TDP1: variants seen among roughly 807,000 people sequenced by gnomAD.
TDP1 encodes tyrosyl-DNA phosphodiesterase 1, also known as tyr-DNA phosphodiesterase 1.
A neutral mutation model predicts 81.5 loss-of-function variants in TDP1; 64 were observed. That is an observed-to-expected ratio of 0.79 (90% CI 0.64 to 0.97). The LOEUF is 0.97. TDP1 is among the 50% of genes least tolerant of loss of function. The pLI is 0.00. For synonymous variants in TDP1, 256 were observed against 264.3 expected, an observed-to-expected ratio of 0.97 and a Z score of 0.30; for missense variants, 723 against 743.8, an observed-to-expected ratio of 0.97 and a Z score of 0.33.
At chr14:89,966,417 C>T (rs946363286) in intron 4 of TDP1, among the ~76,000 whole-genome samples, 1 of 152,136 alleles carries the variant, frequency 6.6e-6, no homozygotes, top group Non-Finnish European at 1.5e-5. Flanking sequence ...AGTCAGCCTC[C>T]GCTGGCCAAG....
intron 14 of TDP1, among the ~76,000 whole-genome samples, chr14:89,995,798 A>C (rs571341528): frequency 1.3e-5 from 2 of 152,288 alleles, no homozygotes; most frequent in South Asian, 4.1e-4. Flanking sequence ...CTTATTACCA[A>C]GCTTAAAGCC....
rs556801505 is a variant in TDP1 at position 89,966,958 on chromosome 14, CT to C, written c.604-405del. 2.9e-5 allele frequency: 29 copies of C among 984,434 alleles called. No homozygotes were observed. The South Asian group carries it at 1.3e-3, about 43-fold the overall frequency. 61.0% of individuals were successfully genotyped at this position (984,434 alleles called of 1,614,324 possible). On this transcript the variant is annotated intron_variant, in intron 4 of 16. Coordinates refer to ENST00000335725, the MANE Select transcript of TDP1 (RefSeq NM_018319.4). ...ATAAGTTAGCCTGAAAGGAAATGTT[CT>C]TTTCTGAAAGTCCTGGGATCTTTGT...
chr14:89,988,763 G>A (rs1387302185), intron 10 of TDP1, 142 bp from the exon 11 acceptor site: 1 of 1,516,762 alleles, frequency 6.6e-7, no homozygotes. Flanking sequence ...GTATGTATGT[G>A]TGGGTATGAA....
chr14:90,026,441 G>A (rs1057471591), intron 15 of TDP1, among the ~76,000 whole-genome samples: 1 of 152,186 alleles, frequency 6.6e-6, no homozygotes, highest in Non-Finnish European at 1.5e-5. Context: ...TATACCATCT[G>A]CCCTGGCAAG....
chr14:89,981,087 T>C (rs1660914812), intron 8 of TDP1, among the ~76,000 whole-genome samples: 1 of 152,224 alleles, frequency 6.6e-6, no homozygotes, highest in Admixed American at 6.5e-5. Context: ...TACCCACCTG[T>C]ATTTTTGCTT....
Position 90,043,639 on chromosome 14 carries a change from G to A in TDP1, c.*496G>A, listed in dbSNP as rs34796911. 3.0e-3 allele frequency: 555 copies of A among 187,556 alleles called. 3 individuals carry two copies. The highest frequency in any genetic ancestry group is 3.4e-3 in the Non-Finnish European group (301 of 89,828). 11.6% of individuals were successfully genotyped at this position (187,556 alleles called of 1,614,324 possible). ...ACAAAGTTTTGACAGGCTTTTGACC[G>A]TGATTCATCACATGAGTTCAGGCAT... On this transcript the variant is annotated 3_prime_UTR_variant, in exon 17 of 17. Transcript: ENST00000335725.
chr14:89,970,682 G>T, intron 5 of TDP1: 1 of 265,548 alleles, frequency 3.8e-6, no homozygotes, highest in Non-Finnish European at 5.8e-6. Flanking sequence ...CCATTATAAA[G>T]GTATCTGGTA....
chr14:90,028,379 C>T (rs1178038872), intron 15 of TDP1, among the ~76,000 whole-genome samples: 4 of 152,198 alleles, frequency 2.6e-5, no homozygotes, highest in African/African-American at 9.7e-5. Context: ...CTAACTGAAA[C>T]TGAAGCATGC....
intron 11 of TDP1, 67 bp downstream of exon 11, chr14:89,989,157 G>T: frequency 2.0e-6 from 3 of 1,504,618 alleles, no homozygotes; most frequent in Non-Finnish European, 2.7e-6. Context: ...TTGAAAATTG[G>T]TCCTCTTTGT....
chr14:89,970,349 A>G (rs1343008474), intron 5 of TDP1, among the ~76,000 whole-genome samples: 4 of 152,114 alleles, frequency 2.6e-5, no homozygotes, highest in Non-Finnish European at 5.9e-5. Context: ...ACCACCCATT[A>G]GTGAAGCTGC....
At chr14:89,999,780 A>G (rs1303948546) in intron 14 of TDP1, among the ~76,000 whole-genome samples, 1 of 152,114 alleles carries the variant, frequency 6.6e-6, no homozygotes, top group Admixed American at 6.5e-5. Flanking sequence ...TTTTCTTTCC[A>G]CTCTTCCAAG....
intron 16 of TDP1, among the ~76,000 whole-genome samples, chr14:90,034,082 G>A (rs1201306095): frequency 1.3e-5 from 2 of 151,994 alleles, no homozygotes; most frequent in African/African-American, 4.8e-5. Context: ...AAAAAAAAAA[G>A]TTCTTATGAC....
Position 89,992,121 on chromosome 14 carries a change from A to G in TDP1, c.1433+138A>G, listed in dbSNP as rs1173106158. 1.7e-5 allele frequency: 12 copies of G among 711,496 alleles called. No individual in the cohort carries two copies. The African/African-American group carries it at 1.8e-4, about 11-fold the overall frequency. The allele number at this position is 711,496 out of a possible 1,614,324, so 44.1% of individuals were successfully genotyped here. A position where few individuals can be genotyped will look rare whatever the true frequency, so the allele number is the denominator to read the frequency against. Reference sequence around the variant, plus strand: ...TTTCATCTACATATGTTAGTGATAGAAATAATTTAAAACAAGGTTTTGAAT... The same window carrying G: ...TTTCATCTACATATGTTAGTGATAGGAATAATTTAAAACAAGGTTTTGAAT... On this transcript the variant is annotated intron_variant, in intron 13 of 16. Transcript: ENST00000335725.
At chr14:89,964,520 T>C (rs1035528853) in intron 3 of TDP1, among the ~76,000 whole-genome samples, 2 of 152,206 alleles carry the variant, frequency 1.3e-5, no homozygotes, top group Non-Finnish European at 2.9e-5. Context: ...TTATTTCAGA[T>C]TTTTTTCCTG....
chr14:89,971,088 G>A (rs987019758), intron 5 of TDP1, 87 bp from the exon 6 acceptor site: 35 of 1,168,210 alleles, frequency 3.0e-5, no homozygotes, highest in South Asian at 3.7e-5. Context: ...CACCTGCCTC[G>A]GCCTCCCAAG....
rs547687226 is a variant in TDP1 at position 89,992,130 on chromosome 14, A to G, written c.1433+147A>G. The G allele has an allele frequency of 3.8e-5, 27 of 706,978 alleles. No individual in the cohort carries two copies. In the South Asian group the frequency reaches 5.7e-4, roughly 15 times the overall value. 43.8% of individuals were successfully genotyped at this position (706,978 alleles called of 1,614,324 possible). A position where few individuals can be genotyped will look rare whatever the true frequency, so the allele number is the denominator to read the frequency against. ...CATATGTTAGTGATAGAAATAATTT[A>G]AAACAAGGTTTTGAATTTTTTTTGG... On this transcript the variant is annotated intron_variant, in intron 13 of 16. Coordinates refer to ENST00000335725, the MANE Select transcript of TDP1 (RefSeq NM_018319.4).
chr14:89,958,201 T>G (rs1891887674), intron 2 of TDP1: 2 of 152,328 alleles, frequency 1.3e-5, no homozygotes, highest in African/African-American at 2.4e-5. Context: ...AACAGCTCTT[T>G]TAGTCCCACC....
rs145468865 is a variant in TDP1 at position 89,982,334 on chromosome 14, A to G, written c.884+1702A>G. On this transcript the variant is annotated intron_variant, in intron 8 of 16. Coordinates refer to ENST00000335725, the MANE Select transcript of TDP1 (RefSeq NM_018319.4). ...CTGTAGCACTTTCTTGATCTACTGA[A>G]TTTATGGTTAACTATGCCTTTGGTA... 2.1e-3 allele frequency among the ~76,000 whole-genome samples: 322 copies of G among 152,246 alleles called. 2 individuals are homozygous for G. The highest frequency in any genetic ancestry group is 7.3e-3 in the African/African-American group (305 of 41,536).
intron 2 of TDP1, among the ~76,000 whole-genome samples, chr14:89,960,013 A>G (rs1427000706): frequency 6.6e-6 from 1 of 152,200 alleles, no homozygotes; most frequent in Non-Finnish European, 1.5e-5. Flanking sequence ...CAAGGTATCT[A>G]TAGAGAACAG....
Sources: gnomAD v4.1 joint callset for allele counts (sites outside exome capture counted in the v4.1 genomes callset) on GRCh38, gnomAD v4.1.1 for gene constraint, MANE v1.5 for transcripts, NCBI Gene and HGNC (gene_info 2026-07-23, HGNC 2026-07-21) for gene names.